The following PTBP1 variants were observed in gnomAD, a reference collection of about 807,000 sequenced individuals.
The protein encoded by PTBP1 is polypyrimidine tract-binding protein 1.
In PTBP1, 8 loss-of-function variants were observed where a neutral mutation model predicts 59.8. The observed-to-expected ratio is 0.13, with a 90% confidence interval of 0.08 to 0.24. The LOEUF (loss-of-function observed/expected upper bound fraction) is 0.24, where lower values mean the gene tolerates loss of function less well. Ranked by LOEUF, PTBP1 falls within the 10% of genes least tolerant of loss-of-function variation. PTBP1 has a pLI of 1.00. For synonymous variants in PTBP1, 490 were observed against 320.7 expected (o/e 1.53, Z -5.64); for missense variants, 686 against 767.0 (o/e 0.89, Z 1.25).
At chr19:805,792 C>T in intron 9 of PTBP1, 2 of 570,074 alleles carry the variant, frequency 3.5e-6, no homozygotes, top group Non-Finnish European at 6.3e-6. Flanking sequence ...CAGCCAGAAG[C>T]CGCTAATCGC....
At chr19:799,181 A>T (rs577035291) in intron 1 of PTBP1, among the ~76,000 whole-genome samples, 1 of 152,072 alleles carries the variant, frequency 6.6e-6, no homozygotes, top group South Asian at 2.1e-4. Flanking sequence ...TCCTGCTGGG[A>T]GGGAGGGGCG....
intron 3 of PTBP1, 74 bp downstream of exon 3, chr19:803,710 G>C: frequency 7.4e-7 from 1 of 1,359,130 alleles, no homozygotes; most frequent in Non-Finnish European, 1.0e-6. Flanking sequence ...TCTTGTTCTG[G>C]GACTCTACTT....
At chr19:801,085 A>C (rs1466806635) in intron 2 of PTBP1, among the ~76,000 whole-genome samples, 1 of 137,336 alleles carries the variant, frequency 7.3e-6, no homozygotes, top group African/African-American at 2.8e-5. Context: ...CCTTTAGCCC[A>C]GGACAGAGCA....
chr19:805,880 A>G (rs1309461753), intron 9 of PTBP1: 3 of 409,656 alleles, frequency 7.3e-6, no homozygotes, highest in Non-Finnish European at 1.3e-5. Context: ...GGATGTCTCT[A>G]GTAGTTGAAT....
Position 811,392 on chromosome 19 carries a change from C to CCCCGCTGCT in PTBP1, c.*569_*577dup, listed in dbSNP as rs1443739309. 1 of 152,458 alleles carries CCCCGCTGCT rather than the reference C, an allele frequency of 6.6e-6. No homozygotes were observed. Among genetic ancestry groups the CCCCGCTGCT allele is most frequent in the African/African-American group, 2.4e-5 (1 of 41,426 alleles). 9.4% of individuals were successfully genotyped at this position (152,458 alleles called of 1,614,324 possible). ...CTTCCCTTCTGCCCCCAGGCGGGCT[C>CCCCGCTGCT]CCCGCTGCTCCAGCTGCGGAGCTGG... On this transcript the variant is annotated 3_prime_UTR_variant, in exon 15 of 15. Coordinates refer to ENST00000356948, the MANE Select transcript of PTBP1 (RefSeq NM_002819.5).
At position 808,819 on chromosome 19, in the gene PTBP1, C is replaced by T; in HGVS notation, c.1463+57C>T. The T allele has an allele frequency of 6.6e-7, 1 of 1,514,980 alleles. No homozygotes were observed. The highest frequency in any genetic ancestry group is 9.0e-7 in the Non-Finnish European group (1 of 1,109,632). 93.8% of individuals were successfully genotyped at this position (1,514,980 alleles called of 1,614,324 possible). A position where few individuals can be genotyped will look rare whatever the true frequency, so the allele number is the denominator to read the frequency against. ...GGGGGCGGGCAAGGGCTCTGCTTGG[C>T]TGTCCTACCGCGTCGGTGTGTGGAC... On this transcript the variant is annotated intron_variant, in intron 13 of 14. Coordinates refer to ENST00000356948, the MANE Select transcript of PTBP1 (RefSeq NM_002819.5). The surrounding 1 kb of genome is among the most constrained non-coding windows in gnomAD (Gnocchi z 4.7).
intron 2 of PTBP1, among the ~76,000 whole-genome samples, chr19:800,150 C>T (rs2034271032): frequency 6.7e-6 from 1 of 150,014 alleles, no homozygotes; most frequent in South Asian, 2.1e-4. Flanking sequence ...CATTGTTGGC[C>T]AGGCTGGTCT....
chr19:798,001 G>A (rs1004112746), intron 1 of PTBP1, among the ~76,000 whole-genome samples: 11 of 150,670 alleles, frequency 7.3e-5, no homozygotes, highest in Non-Finnish European at 8.9e-5. Flanking sequence ...CCCCGGCGCA[G>A]CCCCGGAAGC....
intron 9 of PTBP1, chr19:806,081 G>A (rs916625108): frequency 3.4e-5 from 10 of 294,170 alleles, no homozygotes; most frequent in Middle Eastern, 9.8e-4. Flanking sequence ...CGCATGCGCG[G>A]TGGTCCCGGG....
chr19:809,910 C>G lies in PTBP1; in HGVS notation c.1464-633C>G, dbSNP rs80211891. On this transcript the variant is annotated intron_variant, in intron 13 of 14. Transcript: ENST00000356948. ...AGTAAGACCCTGTCTGTAAAAATTA[C>G]ATAATGCAAGTATTTGGAAATGCAG... is the stretch of plus-strand genomic sequence containing the variant. Among the ~76,000 whole-genome samples, 75 of 152,250 alleles carry G rather than the reference C, an allele frequency of 4.9e-4. 2 individuals carry two copies. The East Asian group carries it at 0.014, about 29-fold the overall frequency.
At position 797,520 on chromosome 19, in the gene PTBP1, G is replaced by GCCCCGCGCCCCACCGCCCT. The variant is rs1568259366; in HGVS notation, c.8+25_8+43dup. ...GCCATGGACGGGTGAGTCGCACGTC[G>GCCCCGCGCCCCACCGCCCT]CCCCGCGCCCCACCGCCCTCCCCGC... On this transcript the variant is annotated intron_variant, in intron 1 of 14. Transcript: ENST00000356948. 4 of 1,507,074 alleles carry GCCCCGCGCCCCACCGCCCT rather than the reference G, an allele frequency of 2.7e-6. No individual in the cohort carries two copies. The highest frequency in any genetic ancestry group is 4.2e-5 in the Admixed American group (2 of 48,114). 93.4% of individuals were successfully genotyped at this position (1,507,074 alleles called of 1,614,324 possible).
rs2034863022 is a variant in PTBP1, at chr19:811,373, T to A, written c.*547T>A. 1 of 151,442 alleles carries A rather than the reference T, an allele frequency of 6.6e-6. No individual in the cohort carries two copies. The highest frequency in any genetic ancestry group is 2.5e-5 in the African/African-American group (1 of 40,502). The allele number at this position is 151,442 out of a possible 1,614,324, so 9.4% of individuals were successfully genotyped here. ...TTCACCCCGCCCCCAGGGCCTTCCC[T>A]TCTGCCCCCAGGCGGGCTCCCCGCT... On this transcript the variant is annotated 3_prime_UTR_variant, in exon 15 of 15. Transcript: ENST00000356948.
chr19:798,919 G>C (rs959788492), intron 1 of PTBP1, among the ~76,000 whole-genome samples: 3 of 152,240 alleles, frequency 2.0e-5, no homozygotes, highest in Non-Finnish European at 2.9e-5. Context: ...GCCGCCTCCT[G>C]CTCTCCTCGG....
At chr19:806,105 G>C in intron 9 of PTBP1, 1 of 329,082 alleles carries the variant, frequency 3.0e-6, no homozygotes, top group Non-Finnish European at 5.5e-6. Context: ...GGCCCTGCTT[G>C]CCGAGGGCCC....
At position 810,915 on chromosome 19, in the gene PTBP1, G is replaced by A; in HGVS notation, c.*89G>A. The A allele has an allele frequency of 1.6e-6, 2 of 1,240,066 alleles. No homozygotes were observed. The highest frequency in any genetic ancestry group is 2.2e-6 in the Non-Finnish European group (2 of 923,458). The allele number at this position is 1,240,066 out of a possible 1,614,324, so 76.8% of individuals were successfully genotyped here. On this transcript the variant is annotated 3_prime_UTR_variant, in exon 15 of 15. Transcript: ENST00000356948. ...TTTAAAAACAGCTGAAGTGACCTTA[G>A]CAGACCAGAGATTTTATTTTTTTAA...
chr19:803,347 AAGG>A (rs2034421555), intron 2 of PTBP1, among the ~76,000 whole-genome samples: 2 of 152,140 alleles, frequency 1.3e-5, no homozygotes, highest in African/African-American at 2.4e-5. Context: ...AATTTGGAAA[AAGG>A]AGCAGTGTTT....
chr19:800,278 C>T (rs1429059493), intron 2 of PTBP1, among the ~76,000 whole-genome samples: 4 of 152,008 alleles, frequency 2.6e-5, no homozygotes, highest in African/African-American at 9.7e-5. Context: ...CAGCAGCAAA[C>T]TGTCAAAGGT....
intron 13 of PTBP1, among the ~76,000 whole-genome samples, chr19:809,328 ATTTT>A (rs2034740979): frequency 1.4e-5 from 2 of 144,808 alleles, no homozygotes; most frequent in African/African-American, 5.3e-5. Flanking sequence ...TTATTTATTT[ATTTT>A]ACTTATTTTG....
chr19:811,078 C>T lies in PTBP1; in HGVS notation c.*252C>T, dbSNP rs561483044. Reference sequence around the variant, plus strand: ...CCCTCCACACCCGGGGCCAGACCCTCGGGGCCATGCCTTGGTGGGGCCTGT... The same window carrying T: ...CCCTCCACACCCGGGGCCAGACCCTTGGGGCCATGCCTTGGTGGGGCCTGT... On this transcript the variant is annotated 3_prime_UTR_variant, in exon 15 of 15. Transcript: ENST00000356948. The T allele has an allele frequency of 7.0e-5, 28 of 399,494 alleles. No individual in the cohort carries two copies. The highest frequency in any genetic ancestry group is 6.3e-4 in the Middle Eastern group (1 of 1,578). 24.7% of individuals were successfully genotyped at this position (399,494 alleles called of 1,614,324 possible).
Sources: gnomAD v4.1 joint callset for allele counts (sites outside exome capture counted in the v4.1 genomes callset) on GRCh38, gnomAD v4.1.1 for gene constraint, Gnocchi (gnomAD v3.1) non-coding constraint, MANE v1.5 for transcripts, NCBI Gene and HGNC (gene_info 2026-07-23, HGNC 2026-07-21) for gene names.